Variants in PRKACB observed in about 807,000 individuals in gnomAD.
The protein encoded by PRKACB is protein kinase cAMP-activated catalytic subunit beta.
A neutral mutation model predicts 51.4 loss-of-function variants in PRKACB; 16 were observed. The ratio of observed to expected loss-of-function variants is 0.31; its 90% CI spans 0.21 to 0.47. PRKACB has a LOEUF of 0.47. PRKACB is among the 20% of genes least tolerant of loss of function. The pLI is 1.00. For missense variants in PRKACB, 309 were observed against 464.5 expected, an observed-to-expected ratio of 0.67 and a Z score of 3.08; for synonymous variants, 147 against 154.4, an observed-to-expected ratio of 0.95 and a Z score of 0.35.
At chr1:84,087,053 C>T (rs575963047) in intron 1 of PRKACB, among the ~76,000 whole-genome samples, 9 of 152,340 alleles carry the variant, frequency 5.9e-5, no homozygotes, top group East Asian at 1.9e-4. Flanking sequence ...TCAAAATGTT[C>T]GCCATCAGGG....
chr1:84,082,980 G>A (rs1647668317), intron 1 of PRKACB, among the ~76,000 whole-genome samples: 1 of 152,100 alleles, frequency 6.6e-6, no homozygotes. Context: ...AACTTAGTGA[G>A]CAAATTATTA....
chr1:84,163,281 A>G (rs1658923857), intron 1 of PRKACB, among the ~76,000 whole-genome samples: 1 of 152,014 alleles, frequency 6.6e-6, no homozygotes, highest in Non-Finnish European at 1.5e-5. Context: ...GTCAGATTGC[A>G]TAGCAAGGTG....
intron 1 of PRKACB, among the ~76,000 whole-genome samples, chr1:84,105,243 C>T (rs992178239): frequency 6.6e-6 from 1 of 152,120 alleles, no homozygotes; most frequent in South Asian, 2.1e-4. Flanking sequence ...TTCTCTAGAA[C>T]AGAATACAAC....
chr1:84,226,267 G>GTT (rs199877646), intron 9 of PRKACB, among the ~76,000 whole-genome samples: 1 of 80,144 alleles, frequency 1.2e-5, no homozygotes, highest in Non-Finnish European at 3.6e-5. Context: ...TGGTTTGTGG[G>GTT]TTTTTTGTTT....
At chr1:84,138,964 A>G (rs760015955) in intron 1 of PRKACB, among the ~76,000 whole-genome samples, 11 of 152,160 alleles carry the variant, frequency 7.2e-5, no homozygotes, top group African/African-American at 1.2e-4. Flanking sequence ...CTGAAAACAC[A>G]TTAGGTAAAA....
In PRKACB at chr1:84,235,180, G is replaced by C. The variant is rs757028313; in HGVS notation, c.1072G>C (p.Val358Leu). Residue 358 changes from valine to leucine, a missense_variant and splice_region_variant, in exon 10 of 10, where the codon GTT becomes CTT. Around this residue, in one of 3 missense-constraint regions of PRKACB, gnomAD observed 96 missense variants for 129.9 expected, o/e 0.74. Transcript: ENST00000370685. Reference sequence around the variant, plus strand: ...ATTTTTCTCTCCCTCTCAATTATAGGTTGAAGCTCCATTCATACCAAAGTT... The same window carrying C: ...ATTTTTCTCTCCCTCTCAATTATAGCTTGAAGCTCCATTCATACCAAAGTT... Reference protein sequence around the residue: ...TDWIAIYQRKVEAPFIPKFRG... With the variant: ...TDWIAIYQRKLEAPFIPKFRG... The C allele has an allele frequency of 6.2e-7, 1 of 1,610,432 alleles. No homozygotes were observed. The highest frequency in any genetic ancestry group is 8.5e-7 in the Non-Finnish European group (1 of 1,178,980).
At chr1:84,186,225 G>T (rs910935243) in intron 5 of PRKACB, among the ~76,000 whole-genome samples, 1 of 5,624 alleles carries the variant, frequency 1.8e-4, no homozygotes, top group Admixed American at 3.8e-3. Flanking sequence ...GTTTGTTTTT[G>T]GTTTTTTTTT....
intron 1 of PRKACB, among the ~76,000 whole-genome samples, chr1:84,107,287 A>G (rs1046576790): frequency 1.3e-5 from 2 of 152,192 alleles, no homozygotes; most frequent in Non-Finnish European, 2.9e-5. Flanking sequence ...AGCTGTATGC[A>G]GAAGACTGAA....
chr1:84,162,344 C>T (rs992278056), intron 1 of PRKACB, among the ~76,000 whole-genome samples: 4 of 152,024 alleles, frequency 2.6e-5, no homozygotes, highest in African/African-American at 9.7e-5. Context: ...CAAATTGGGA[C>T]ATTTTCAGCC....
chr1:84,202,261 T>G (rs560340201), intron 7 of PRKACB, among the ~76,000 whole-genome samples: 57 of 152,102 alleles, frequency 3.7e-4, no homozygotes, highest in Non-Finnish European at 7.5e-4. Flanking sequence ...TCTATTATTT[T>G]CTTTGAAAAC....
intron 1 of PRKACB, among the ~76,000 whole-genome samples, chr1:84,130,077 G>A (rs1652019393): frequency 6.7e-6 from 1 of 150,106 alleles, no homozygotes; most frequent in Admixed American, 6.7e-5. Context: ...GCGGGCACCT[G>A]TAGTCCCAGC....
At chr1:84,086,749 A>C (rs1266850404) in intron 1 of PRKACB, among the ~76,000 whole-genome samples, 1 of 152,162 alleles carries the variant, frequency 6.6e-6, no homozygotes, top group South Asian at 2.1e-4. Context: ...CCCACACTCA[A>C]ATCCCCTGTA....
chr1:84,230,936 A>G (rs1348493912), intron 9 of PRKACB, among the ~76,000 whole-genome samples: 6 of 142,064 alleles, frequency 4.2e-5, no homozygotes, highest in Non-Finnish European at 7.5e-5. Flanking sequence ...TCTCCTGCCT[A>G]ATTGCCCTGG....
chr1:84,238,378 T>A lies in PRKACB; in HGVS notation c.*3073T>A, dbSNP rs577671491. 6.5e-6 allele frequency: 1 copy of A among 152,746 alleles called. No homozygotes were observed. The highest frequency in any genetic ancestry group is 1.5e-5 in the Non-Finnish European group (1 of 68,028). 9.5% of individuals were successfully genotyped at this position (152,746 alleles called of 1,614,324 possible). ...TAAGGTGTGTTGTTATTTCATTAAT[T>A]ACTTCTTTGTTTAGAATGGAATTTC... On this transcript the variant is annotated 3_prime_UTR_variant, in exon 10 of 10. Coordinates refer to ENST00000370685, the MANE Select transcript of PRKACB (RefSeq NM_182948.4).
Position 84,184,125 on chromosome 1 carries a change from A to G in PRKACB, c.467A>G (p.Tyr156Cys). The part of the protein sequence containing the change: ...VNFPFLVRLE[Y>C]AFKDNSNLYM... ...TTTCCTTTCCTTGTTCGACTGGAGT[A>G]TGCTTTTAAGGTAAATTTTAGTAAT... Residue 156 changes from tyrosine (Y) to cysteine (C), a missense_variant, in exon 4 of 10, where the codon TAT becomes TGT. Coordinates refer to ENST00000370685, the MANE Select transcript of PRKACB (RefSeq NM_182948.4). 1.2e-6 allele frequency: 2 copies of G among 1,601,922 alleles called. No homozygotes were observed. The highest frequency in any genetic ancestry group is 1.7e-6 in the Non-Finnish European group (2 of 1,174,712).
intron 1 of PRKACB, among the ~76,000 whole-genome samples, chr1:84,108,280 A>T (rs1389708211): frequency 2.6e-5 from 4 of 151,546 alleles, no homozygotes; most frequent in African/African-American, 4.8e-5. Context: ...TAATGAAAAC[A>T]CATGGACAGA....
intron 9 of PRKACB, among the ~76,000 whole-genome samples, chr1:84,218,841 G>A (rs1673248057): frequency 6.6e-6 from 1 of 152,000 alleles, no homozygotes; most frequent in Non-Finnish European, 1.5e-5. Flanking sequence ...ATTCCACCTG[G>A]GTACGATGAT....
At chr1:84,189,688 C>T (rs1444354109) in intron 5 of PRKACB, among the ~76,000 whole-genome samples, 1 of 151,842 alleles carries the variant, frequency 6.6e-6, no homozygotes, top group Non-Finnish European at 1.5e-5. Context: ...GCATTTCAAA[C>T]CTAAAACTAG....
chr1:84,224,731 C>T (rs78877630), intron 9 of PRKACB, among the ~76,000 whole-genome samples: 6,267 of 152,264 alleles, frequency 0.041, 147 homozygotes, highest in Middle Eastern at 0.096. Context: ...TGTTTGAGTG[C>T]AGGCAGTCAG....
Sources: allele counts gnomAD v4.1 joint callset (sites outside exome capture counted in the v4.1 genomes callset), GRCh38; gene constraint gnomAD v4.1.1; regional missense constraint gnomAD v4.1.1; transcripts MANE v1.5; gene names NCBI Gene and HGNC (gene_info 2026-07-23, HGNC 2026-07-21).